CSMD1: variants seen among roughly 807,000 people sequenced by gnomAD.
CSMD1 encodes the protein CUB and Sushi multiple domains 1.
CSMD1 carries 213 observed loss-of-function variants against 417.5 expected under a neutral mutation model. The observed-to-expected ratio is 0.51, with a 90% CI of 0.46 to 0.57. The LOEUF is 0.57. Ranked by LOEUF, CSMD1 falls within the 20% of genes least tolerant of loss-of-function variation. CSMD1 has a pLI of 0.00. For missense variants in CSMD1, 6,923 were observed against 4,529.7 expected, an observed-to-expected ratio of 1.53 and a Z score of -15.17; for synonymous variants, 2,862 against 1,736.8, an observed-to-expected ratio of 1.65 and a Z score of -16.11.
chr8:3,389,312 A>G (rs1585092153), intron 17 of CSMD1, among the ~76,000 whole-genome samples: 1 of 151,878 alleles, frequency 6.6e-6, no homozygotes, highest in Admixed American at 6.6e-5. Context: ...TGTTCCCTCT[A>G]TGTGTCCATG....
At chr8:3,789,923 G>A (rs1174738123) in intron 5 of CSMD1, among the ~76,000 whole-genome samples, 1 of 151,894 alleles carries the variant, frequency 6.6e-6, no homozygotes, top group Admixed American at 6.6e-5. Context: ...AGTAGAGACG[G>A]GGTTTCACCA....
At chr8:3,240,829 G>C (rs893435376) in intron 26 of CSMD1, among the ~76,000 whole-genome samples, 2 of 152,268 alleles carry the variant, frequency 1.3e-5, no homozygotes, top group East Asian at 1.9e-4. Flanking sequence ...TAACCTGTAA[G>C]GCTTGTCTGG....
At chr8:4,540,771 C>T (rs1032809556) in intron 2 of CSMD1, among the ~76,000 whole-genome samples, 1 of 152,032 alleles carries the variant, frequency 6.6e-6, no homozygotes, top group Non-Finnish European at 1.5e-5. Context: ...CTTAATCATC[C>T]CGGACCAGTG....
rs930419620 is a variant in CSMD1, at chr8:4,146,508, T to C, written c.416-114409A>G. Among the ~76,000 whole-genome samples, 10 of 149,370 alleles carry C rather than the reference T, an allele frequency of 6.7e-5. 1 individual carries two copies. The highest frequency in any genetic ancestry group is 2.3e-4 in the African/African-American group (9 of 39,760). On this transcript the variant is annotated intron_variant, in intron 3 of 69. Transcript: ENST00000635120. ...ACCCAGTTCCTCAGACGTTGTGATG[T>C]GCACAGTGTGTGTTCTCTGGTTAAA...
intron 5 of CSMD1, among the ~76,000 whole-genome samples, chr8:3,942,187 C>A (rs193208798): frequency 6.6e-6 from 1 of 152,072 alleles, no homozygotes; most frequent in East Asian, 1.9e-4. Context: ...TGGGCTCCCA[C>A]TGATTCTACA....
At chr8:4,500,365 G>A (rs1236544067) in intron 2 of CSMD1, among the ~76,000 whole-genome samples, 1 of 152,102 alleles carries the variant, frequency 6.6e-6, no homozygotes, top group East Asian at 1.9e-4. Context: ...ATAATAAATT[G>A]AGACAAATGT....
chr8:4,169,818 G>T (rs987153508), intron 3 of CSMD1, among the ~76,000 whole-genome samples: 1 of 152,082 alleles, frequency 6.6e-6, no homozygotes, highest in Non-Finnish European at 1.5e-5. Flanking sequence ...AGCACTTTCT[G>T]TCTGCCCTTC....
intron 41 of CSMD1, among the ~76,000 whole-genome samples, chr8:3,134,049 G>A (rs549152267): frequency 3.3e-5 from 5 of 152,200 alleles, no homozygotes; most frequent in Admixed American, 6.5e-5. Context: ...ATGGTGGCAG[G>A]CACCTGCAGT....
In CSMD1 at chr8:4,704,520, T is replaced by A. The variant is rs1270387780; in HGVS notation, c.86-66962A>T. 2.0e-5 allele frequency among the ~76,000 whole-genome samples: 3 copies of A among 152,238 alleles called. No individual in the cohort carries two copies. The East Asian group carries it at 5.8e-4, about 29-fold the overall frequency. ...ACTATTTTCTCCCTTCCTAATCTGA[T>A]GTTTCAGTGCCATTATACAGAAATT... On this transcript the variant is annotated intron_variant, in intron 1 of 69. Coordinates refer to ENST00000635120, the MANE Select transcript of CSMD1 (RefSeq NM_033225.6).
At chr8:4,296,366 A>C (rs1182435587) in intron 3 of CSMD1, among the ~76,000 whole-genome samples, 1 of 152,160 alleles carries the variant, frequency 6.6e-6, no homozygotes, top group Non-Finnish European at 1.5e-5. Flanking sequence ...ATATTTCAGG[A>C]CCACATCCAT....
At chr8:4,535,215 T>G (rs1211699514) in intron 2 of CSMD1, among the ~76,000 whole-genome samples, 10 of 152,186 alleles carry the variant, frequency 6.6e-5, no homozygotes, top group Non-Finnish European at 1.3e-4. Context: ...ATCAATAACA[T>G]AGTCAATAAC....
chr8:3,173,308 G>A (rs1179909297), intron 37 of CSMD1, among the ~76,000 whole-genome samples: 2 of 152,104 alleles, frequency 1.3e-5, no homozygotes, highest in Non-Finnish European at 2.9e-5. Context: ...CCCAGACGAG[G>A]CTCTGGAATT....
chr8:4,468,151 C>T (rs1001911849), intron 2 of CSMD1, among the ~76,000 whole-genome samples: 1 of 152,272 alleles, frequency 6.6e-6, no homozygotes, highest in Non-Finnish European at 1.5e-5. Flanking sequence ...GCCTACAGCT[C>T]TCTATTTTCT....
chr8:3,399,282 G>A, intron 16 of CSMD1, 109 bp downstream of exon 16: 1 of 999,500 alleles, frequency 1.0e-6, no homozygotes, highest in Non-Finnish European at 1.5e-6. Context: ...GTGCTCCTAT[G>A]CGGGAACCGA....
At chr8:4,229,852 T>C (rs1801603989) in intron 3 of CSMD1, among the ~76,000 whole-genome samples, 3 of 152,228 alleles carry the variant, frequency 2.0e-5, no homozygotes, top group Admixed American at 2.0e-4. Context: ...TTTATCGCTT[T>C]GGTCTGTGTT....
intron 1 of CSMD1, among the ~76,000 whole-genome samples, chr8:4,902,805 G>A (rs1477676019): frequency 6.6e-6 from 1 of 151,862 alleles, no homozygotes; most frequent in African/African-American, 2.4e-5. Context: ...AGGTTCATGT[G>A]TATCCTTTTC....
intron 2 of CSMD1, among the ~76,000 whole-genome samples, chr8:4,424,583 G>T (rs568741275): frequency 1.3e-5 from 2 of 152,092 alleles, no homozygotes; most frequent in Non-Finnish European, 2.9e-5. Flanking sequence ...AAAATTGGTT[G>T]CTCTTATACT....
At chr8:3,915,748 C>G (rs1200743470) in intron 5 of CSMD1, among the ~76,000 whole-genome samples, 2 of 150,066 alleles carry the variant, frequency 1.3e-5, no homozygotes. Flanking sequence ...AAATTATGAA[C>G]TCTCTCGCTT....
chr8:3,631,995 T>TA (rs1188784845), intron 7 of CSMD1, among the ~76,000 whole-genome samples: 1 of 152,240 alleles, frequency 6.6e-6, no homozygotes, highest in Non-Finnish European at 1.5e-5. Flanking sequence ...ACTTAGAAAT[T>TA]ACTGATTCTC....
Sources: allele counts gnomAD v4.1 joint callset (sites outside exome capture counted in the v4.1 genomes callset), GRCh38; gene constraint gnomAD v4.1.1; transcripts MANE v1.5; gene names NCBI Gene and HGNC (gene_info 2026-07-23, HGNC 2026-07-21).